Variants in CFAP47 observed in about 807,000 individuals in gnomAD.
CFAP47 encodes the protein cilia and flagella associated protein 47, also known as cilia- and flagella-associated protein 47.
CFAP47 carries 29 observed loss-of-function variants against 148.1 expected under a neutral mutation model. The observed-to-expected ratio is 0.20, with a 90% CI of 0.15 to 0.27. CFAP47 has a LOEUF of 0.27. CFAP47 is among the 10% of genes least tolerant of loss of function. The pLI, the probability that CFAP47 is intolerant of heterozygous loss-of-function variation, is 1.00. For synonymous variants in CFAP47, 664 were observed against 577.3 expected (o/e 1.15, Z -2.15); for missense variants, 1,872 against 1,697.5 (o/e 1.10, Z -1.81).
intron 8 of CFAP47, among the ~76,000 whole-genome samples, chrX:35,957,297 G>C (rs2146649223): frequency 9.2e-6 from 1 of 108,448 alleles, no homozygotes; most frequent in African/African-American, 3.3e-5. Context: ...GCAATTTACA[G>C]AAAGGGTTTG....
intron 21 of CFAP47, among the ~76,000 whole-genome samples, chrX:36,009,664 C>G (rs1055715797): frequency 8.9e-6 from 1 of 111,955 alleles, no homozygotes; most frequent in African/African-American, 3.2e-5. Context: ...ATGGACTGTA[C>G]ATAAGATTCT....
intron 16 of CFAP47, among the ~76,000 whole-genome samples, chrX:35,990,782 T>C (rs1415482808): frequency 9.0e-6 from 1 of 111,526 alleles, no homozygotes; most frequent in African/African-American, 3.3e-5. Flanking sequence ...CTTACCTAGT[T>C]TGGGAGTATA....
At chrX:36,129,900 A>T (rs1448142579) in intron 33 of CFAP47, among the ~76,000 whole-genome samples, 2 of 111,534 alleles carry the variant, frequency 1.8e-5, no homozygotes, top group Non-Finnish European at 3.8e-5. Flanking sequence ...TGATAAAAAG[A>T]CAACCCAATT....
chrX:36,204,513 G>A (rs1299254834), intron 44 of CFAP47, among the ~76,000 whole-genome samples: 1 of 110,715 alleles, frequency 9.0e-6, no homozygotes, highest in Non-Finnish European at 1.9e-5. Flanking sequence ...CACCTACATG[G>A]CACATGTATA....
chrX:36,056,306 G>T (rs745838144), intron 26 of CFAP47, among the ~76,000 whole-genome samples: 1 of 112,140 alleles, frequency 8.9e-6, no homozygotes, highest in East Asian at 2.8e-4. Flanking sequence ...GTTGACTAAT[G>T]AATAAGAATT....
At chrX:36,102,158 C>T (rs951197375) in intron 32 of CFAP47, among the ~76,000 whole-genome samples, 1 of 111,592 alleles carries the variant, frequency 9.0e-6, no homozygotes, top group African/African-American at 3.3e-5. Context: ...TAATTCGAAA[C>T]AATGTTTTCT....
At chrX:36,170,308 A>G (rs1602024220) in intron 39 of CFAP47, among the ~76,000 whole-genome samples, 2 of 111,237 alleles carry the variant, frequency 1.8e-5, no homozygotes, top group African/African-American at 3.3e-5. Flanking sequence ...TTTATTCATT[A>G]TTATTATACT....
chrX:36,238,833 T>C (rs1373686693), intron 48 of CFAP47, among the ~76,000 whole-genome samples: 1 of 111,666 alleles, frequency 9.0e-6, no homozygotes, highest in African/African-American at 3.3e-5. Flanking sequence ...TAAATACAAA[T>C]ACCAAATTCA....
chrX:35,931,573 T>G (rs1601882295), intron 2 of CFAP47, among the ~76,000 whole-genome samples: 1 of 111,822 alleles, frequency 8.9e-6, no homozygotes, highest in Admixed American at 9.6e-5. Context: ...ATTTGTTTTC[T>G]CATTGTTCTC....
Position 35,986,414 on chromosome X carries a change from G to A in CFAP47, c.2714-2905G>A, listed in dbSNP as rs187798487. Among the ~76,000 whole-genome samples, 54 of 107,944 alleles carry A rather than the reference G, an allele frequency of 5.0e-4. No individual in the cohort carries two copies. In the Admixed American group the frequency reaches 5.3e-3, roughly 11 times the overall value. The allele number at this position is 107,944 out of a possible 115,157, so 93.7% of individuals were successfully genotyped here. ...GATGGATTGTGCTGTTGGTACTTGT[G>A]TATGCTTCACAAAGTTCTCGTGCTG... On this transcript the variant is annotated intron_variant, in intron 15 of 63. Transcript: ENST00000378653.
chrX:36,375,267 CT>C, intron 62 of CFAP47: 1 of 179,212 alleles, frequency 5.6e-6, no homozygotes, highest in East Asian at 1.7e-4. Flanking sequence ...TCTAATACGC[CT>C]TTTGATTTCC....
chrX:35,975,703 A>G lies in CFAP47; in HGVS notation c.2503A>G (p.Ser835Gly). Residue 835 changes from serine (S) to glycine (G), a missense_variant, in exon 15 of 64, where the codon AGT (serine) becomes GGT (glycine). Transcript: ENST00000378653. Reference protein sequence around the residue: ...SFTFTVNNVPSGHILVVAVVQ... With the variant: ...SFTFTVNNVPGGHILVVAVVQ... ...CACCTTTACAGTGAACAATGTACCC[A>G]GTGGACACATCCTAGTGGTGGCAGT... The G allele has an allele frequency of 8.3e-7, 1 of 1,209,549 alleles. No homozygotes were observed. Among genetic ancestry groups the G allele is most frequent in the Non-Finnish European group, 1.1e-6 (1 of 893,406 alleles).
intron 56 of CFAP47, among the ~76,000 whole-genome samples, chrX:36,316,649 G>C (rs1054236553): frequency 8.9e-6 from 1 of 112,169 alleles, no homozygotes; most frequent in Non-Finnish European, 1.9e-5. Flanking sequence ...CGTGACTGCA[G>C]ATGGTGTCCC....
At chrX:36,333,034 T>A (rs1413780806) in intron 57 of CFAP47, among the ~76,000 whole-genome samples, 2 of 111,947 alleles carry the variant, frequency 1.8e-5, no homozygotes, top group Non-Finnish European at 3.8e-5. Context: ...CCATCTCCAA[T>A]GTCGCATCTC....
chrX:36,215,800 G>A (rs2146892170), intron 45 of CFAP47, among the ~76,000 whole-genome samples: 1 of 111,438 alleles, frequency 9.0e-6, no homozygotes, highest in Non-Finnish European at 1.9e-5. Context: ...GTAAATACTA[G>A]GGACAATAGA....
At chrX:35,948,107 ATG>A (rs10593383) in intron 3 of CFAP47, among the ~76,000 whole-genome samples, 2,045 of 111,910 alleles carry the variant, frequency 0.018, 49 homozygotes, top group African/African-American at 0.062. Context: ...TGAGCTTAAA[ATG>A]TCTCAAAAAA....
chrX:36,137,553 A>G (rs774579810), intron 33 of CFAP47, among the ~76,000 whole-genome samples: 1 of 111,100 alleles, frequency 9.0e-6, no homozygotes, highest in South Asian at 3.8e-4. Context: ...CAAGAAATAA[A>G]GAAACTGGCA....
At chrX:36,117,710 G>A (rs1200518489) in intron 33 of CFAP47, among the ~76,000 whole-genome samples, 1 of 111,335 alleles carries the variant, frequency 9.0e-6, no homozygotes, top group African/African-American at 3.3e-5. Context: ...TTCACTTTGT[G>A]AATTATTTTC....
chrX:36,109,701 C>G (rs1367810303), intron 33 of CFAP47, among the ~76,000 whole-genome samples: 1 of 111,267 alleles, frequency 9.0e-6, no homozygotes, highest in Non-Finnish European at 1.9e-5. Flanking sequence ...GTCTCCATCT[C>G]CTGACCTCGT....
Sources: allele counts gnomAD v4.1 joint callset (sites outside exome capture counted in the v4.1 genomes callset), GRCh38; gene constraint gnomAD v4.1.1; transcripts MANE v1.5; gene names NCBI Gene and HGNC (gene_info 2026-07-23, HGNC 2026-07-21).